Variants in CYP7B1 observed in about 807,000 individuals in gnomAD.
CYP7B1 encodes the protein cytochrome P450 7B1.
A neutral mutation model predicts 42.7 loss-of-function variants in CYP7B1; 29 were observed. The ratio of observed to expected loss-of-function variants is 0.68; its 90% CI spans 0.51 to 0.93. CYP7B1 has a LOEUF of 0.93. Among genes scored for constraint, CYP7B1 ranks in the 40% least tolerant of loss-of-function variants. CYP7B1 has a pLI of 0.00. For synonymous variants in CYP7B1, 235 were observed against 218.2 expected (o/e 1.08, Z -0.68); for missense variants, 655 against 600.5 (o/e 1.09, Z -0.95).
At chr8:64,614,089 G>A (rs1376014004) in intron 4 of CYP7B1, among the ~76,000 whole-genome samples, 1 of 152,166 alleles carries the variant, frequency 6.6e-6, no homozygotes, top group Non-Finnish European at 1.5e-5. Context: ...GATACCGCAG[G>A]ATGAAATGTC....
intron 1 of CYP7B1, among the ~76,000 whole-genome samples, chr8:64,661,390 T>C (rs1806197958): frequency 6.6e-6 from 1 of 152,210 alleles, no homozygotes; most frequent in Admixed American, 6.5e-5. Context: ...TTAGCTTCCG[T>C]CAGCTCAAGA....
chr8:64,685,157 C>T lies in CYP7B1; in HGVS notation c.123-60618G>A, dbSNP rs554409250. On this transcript the variant is annotated intron_variant, in intron 1 of 5. Coordinates refer to ENST00000310193, the MANE Select transcript of CYP7B1 (RefSeq NM_004820.5). The stretch of plus-strand genomic sequence containing the variant: ...TAACATTAGGCAGTCTTTGCCGCCC[C>T]GCCGGCGAGCGCCGCCCGGGAGGCA... Among the ~76,000 whole-genome samples the T allele has an allele frequency of 1.1e-4, 17 of 152,270 alleles. No individual in the cohort carries two copies. In the South Asian group the frequency reaches 3.5e-3, roughly 32 times the overall value.
At chr8:64,652,288 A>G (rs1426052299) in intron 1 of CYP7B1, among the ~76,000 whole-genome samples, 2 of 152,112 alleles carry the variant, frequency 1.3e-5, no homozygotes, top group African/African-American at 4.8e-5. Context: ...GCTCATTCCT[A>G]TTCAGAACCT....
At chr8:64,613,697 A>AT (rs1215131807) in intron 4 of CYP7B1, among the ~76,000 whole-genome samples, 1 of 152,158 alleles carries the variant, frequency 6.6e-6, no homozygotes, top group African/African-American at 2.4e-5. Flanking sequence ...TAATGTTGAG[A>AT]TTTTTTTAAA....
chr8:64,790,120 T>G (rs1021363920), intron 1 of CYP7B1, among the ~76,000 whole-genome samples: 2 of 152,044 alleles, frequency 1.3e-5, no homozygotes, highest in Non-Finnish European at 2.9e-5. Context: ...GTGAACACAT[T>G]TTGAAAAGTG....
At chr8:64,748,510 TG>T in intron 1 of CYP7B1, among the ~76,000 whole-genome samples, 1 of 152,214 alleles carries the variant, frequency 6.6e-6, no homozygotes, top group Non-Finnish European at 1.5e-5. Flanking sequence ...GCCCCTGTGC[TG>T]GGTCTTGGAG....
downstream of CYP7B1, among the ~76,000 whole-genome samples, chr8:64,590,535 T>C (rs1585791907): frequency 1.3e-5 from 2 of 152,226 alleles, no homozygotes; most frequent in East Asian, 3.8e-4. Flanking sequence ...TCCACACTAA[T>C]AGTGATTATT....
At chr8:64,750,956 C>T (rs1192323487) in intron 1 of CYP7B1, among the ~76,000 whole-genome samples, 2 of 152,106 alleles carry the variant, frequency 1.3e-5, no homozygotes, top group East Asian at 3.9e-4. Flanking sequence ...GCCAGGACAC[C>T]ATCCTCACGC....
chr8:64,690,346 A>G (rs943290598), intron 1 of CYP7B1, among the ~76,000 whole-genome samples: 8 of 152,212 alleles, frequency 5.3e-5, no homozygotes, highest in Non-Finnish European at 1.0e-4. Context: ...GAGGCTGCAG[A>G]AAGCTGTGAT....
At chr8:64,740,957 C>G (rs926433824) in intron 1 of CYP7B1, among the ~76,000 whole-genome samples, 1 of 152,116 alleles carries the variant, frequency 6.6e-6, no homozygotes, top group Non-Finnish European at 1.5e-5. Flanking sequence ...TGTATCATTT[C>G]TTCCAGAACA....
At chr8:64,622,076 A>G (rs1329615082) in intron 2 of CYP7B1, among the ~76,000 whole-genome samples, 1 of 152,160 alleles carries the variant, frequency 6.6e-6, no homozygotes, top group Non-Finnish European at 1.5e-5. Flanking sequence ...TCATGCTGAT[A>G]ATTTCCTCCA....
chr8:64,619,869 C>G (rs1168470635), intron 2 of CYP7B1, among the ~76,000 whole-genome samples: 2 of 151,902 alleles, frequency 1.3e-5, no homozygotes, highest in Non-Finnish European at 2.9e-5. Flanking sequence ...TGGTGCTATA[C>G]AAAGATATAG....
rs540309159 is a variant in CYP7B1 at position 64,629,888 on chromosome 8, G to A, written c.123-5349C>T. 5.9e-5 allele frequency among the ~76,000 whole-genome samples: 9 copies of A among 152,328 alleles called. 1 individual carries two copies. In the South Asian group the frequency reaches 1.9e-3, roughly 32 times the overall value. Reference sequence around the variant, plus strand: ...AGGCTGTGGATGGGAGATCCCAAAGGAGGAGGAGATGGAAGATGTGGCTGA... The same window carrying A: ...AGGCTGTGGATGGGAGATCCCAAAGAAGGAGGAGATGGAAGATGTGGCTGA... On this transcript the variant is annotated intron_variant, in intron 1 of 5. Transcript: ENST00000310193.
intron 1 of CYP7B1, among the ~76,000 whole-genome samples, chr8:64,666,927 A>C (rs1806289114): frequency 6.6e-6 from 1 of 152,172 alleles, no homozygotes; most frequent in Non-Finnish European, 1.5e-5. Flanking sequence ...TAATTTGTTC[A>C]ATTTCTAATG....
chr8:64,629,226 CAAAAAAAAA>C (rs10717028), intron 1 of CYP7B1, among the ~76,000 whole-genome samples: 30 of 72,530 alleles, frequency 4.1e-4, no homozygotes, highest in African/African-American at 1.4e-3. Context: ...GAATCCATCT[CAAAAAAAAA>C]AAAAAAAAAA....
intron 1 of CYP7B1, among the ~76,000 whole-genome samples, chr8:64,768,697 C>T (rs1804153778): frequency 6.6e-6 from 1 of 152,148 alleles, no homozygotes; most frequent in Admixed American, 6.6e-5. Flanking sequence ...ACTTATGTGA[C>T]CCATAGCAGC....
chr8:64,797,610 A>G (rs915548372), intron 1 of CYP7B1, among the ~76,000 whole-genome samples: 7 of 152,208 alleles, frequency 4.6e-5, no homozygotes, highest in Non-Finnish European at 8.8e-5. Flanking sequence ...CACTTCCCCC[A>G]AAACTATTGA....
intron 1 of CYP7B1, among the ~76,000 whole-genome samples, chr8:64,780,240 G>T (rs1451971441): frequency 6.6e-6 from 1 of 151,990 alleles, no homozygotes; most frequent in African/African-American, 2.4e-5. Flanking sequence ...ATTGGAAAAA[G>T]ATAACAATTA....
chr8:64,670,361 G>A (rs1806347446), intron 1 of CYP7B1, among the ~76,000 whole-genome samples: 1 of 151,888 alleles, frequency 6.6e-6, no homozygotes, highest in Non-Finnish European at 1.5e-5. Flanking sequence ...TCTTTAAGAA[G>A]GATAATTTTT....
Sources: allele counts gnomAD v4.1 joint callset (sites outside exome capture counted in the v4.1 genomes callset), GRCh38; gene constraint gnomAD v4.1.1; transcripts MANE v1.5; gene names NCBI Gene and HGNC (gene_info 2026-07-23, HGNC 2026-07-21).